Variants in TENM3 observed in about 807,000 individuals in gnomAD.
The protein encoded by TENM3 is teneurin transmembrane protein 3.
TENM3 carries 63 observed loss-of-function variants against 255.1 expected under a neutral mutation model. The ratio of observed to expected loss-of-function variants is 0.25; its 90% CI spans 0.20 to 0.30. TENM3 has a LOEUF of 0.30. Among genes scored for constraint, TENM3 ranks in the 10% least tolerant of loss-of-function variants. TENM3 has a pLI of 1.00. For synonymous variants in TENM3, 1,306 were observed against 1,322.3 expected, an observed-to-expected ratio of 0.99 and a Z score of 0.27; for missense variants, 2,929 against 3,461.1, an observed-to-expected ratio of 0.85 and a Z score of 3.86.
chr4:181,750,870 G>A, the TENM3 span, among the ~76,000 whole-genome samples: 1 of 152,160 alleles, frequency 6.6e-6, no homozygotes, highest in Non-Finnish European at 1.5e-5. Context: ...CGCGACAGGA[G>A]TGATTGAAGA....
chr4:182,109,244 C>G, the TENM3 span, among the ~76,000 whole-genome samples: 46,436 of 147,534 alleles, frequency 0.31, 7,559 homozygotes, highest in Middle Eastern at 0.39. Context: ...TTATGCTTTA[C>G]TCTATATAAC....
intron 3 of TENM3, among the ~76,000 whole-genome samples, chr4:182,392,670 C>T (rs1184010346): frequency 6.9e-6 from 1 of 145,004 alleles, no homozygotes; most frequent in African/African-American, 2.4e-5. Flanking sequence ...AATGCCTCCA[C>T]GTGGGGCGGG....
intron 12 of TENM3, among the ~76,000 whole-genome samples, chr4:182,703,060 A>G (rs1411302342): frequency 2.0e-5 from 3 of 152,164 alleles, no homozygotes; most frequent in African/African-American, 4.8e-5. Flanking sequence ...TAAGCCCTAG[A>G]TAGACTGTCC....
chr4:181,707,015 G>A, the TENM3 span, among the ~76,000 whole-genome samples: 1 of 152,144 alleles, frequency 6.6e-6, no homozygotes, highest in Non-Finnish European at 1.5e-5. Flanking sequence ...TCTTCCACAA[G>A]AGAGAATCTG....
the TENM3 span, among the ~76,000 whole-genome samples, chr4:181,559,533 T>G: frequency 6.6e-6 from 1 of 152,248 alleles, no homozygotes; most frequent in East Asian, 1.9e-4. Flanking sequence ...CTCTGTTTCC[T>G]TATTTGAAAA....
chr4:182,602,634 T>G (rs2152415831), intron 4 of TENM3, among the ~76,000 whole-genome samples: 1 of 152,330 alleles, frequency 6.6e-6, no homozygotes, highest in East Asian at 1.9e-4. Context: ...TTGAACATTC[T>G]TCTGGGAGAA....
At chr4:182,383,098 A>G (rs1767680069) in intron 3 of TENM3, among the ~76,000 whole-genome samples, 1 of 152,170 alleles carries the variant, frequency 6.6e-6, no homozygotes, top group South Asian at 2.1e-4. Context: ...TTATGGAACG[A>G]GTGGGGATTT....
the TENM3 span, among the ~76,000 whole-genome samples, chr4:182,072,446 G>A: frequency 1.3e-5 from 2 of 152,052 alleles, no homozygotes; most frequent in Non-Finnish European, 2.9e-5. Context: ...CCTCCAAAGG[G>A]TAGGCAGTGA....
intron 3 of TENM3, among the ~76,000 whole-genome samples, chr4:182,384,496 G>C (rs979876124): frequency 6.6e-6 from 1 of 152,122 alleles, no homozygotes; most frequent in Non-Finnish European, 1.5e-5. Context: ...TTGTACTAAA[G>C]TAGCCCTTGA....
Position 182,157,789 on chromosome 4 carries a change from G to A in TENM3, c.-76+13035G>A, listed in dbSNP as rs551440809. ...AGAGGTAAGGGCGTTCCAGGAGAGG[G>A]AAACACAATGGACAACTGAGGCATC... On this transcript the variant is annotated intron_variant, in intron 1 of 2. Transcript: ENST00000512480. 3.4e-3 allele frequency among the ~76,000 whole-genome samples: 520 copies of A among 152,280 alleles called. 3 individuals carry two copies. The highest frequency in any genetic ancestry group is 6.8e-3 in the Middle Eastern group (2 of 294).
Position 182,233,925 on chromosome 4 carries a change from T to C in TENM3, c.-76+89171T>C, listed in dbSNP as rs931998361. ...CTGGGATGGTTTTCTCTTGGTTAAG[T>C]CACTCTTTACGCCTTTCGGCTTTTC... On this transcript the variant is annotated intron_variant, in intron 1 of 2. Transcript: ENST00000512480. Among the ~76,000 whole-genome samples, 6 of 152,372 alleles carry C rather than the reference T, an allele frequency of 3.9e-5. No individual in the cohort carries two copies. In the South Asian group the frequency reaches 1.2e-3, roughly 32 times the overall value.
At chr4:181,546,512 G>A in the TENM3 span, among the ~76,000 whole-genome samples, 3 of 150,962 alleles carry the variant, frequency 2.0e-5, no homozygotes, top group South Asian at 2.1e-4. Flanking sequence ...TCAGGAGATC[G>A]AGACCATCCT....
At chr4:182,006,997 T>C in the TENM3 span, among the ~76,000 whole-genome samples, 4 of 152,220 alleles carry the variant, frequency 2.6e-5, no homozygotes, top group African/African-American at 9.6e-5. Context: ...CCAGGAGTCA[T>C]TCAGGAGCAG....
the TENM3 span, among the ~76,000 whole-genome samples, chr4:181,920,676 T>C: frequency 6.6e-6 from 1 of 151,940 alleles, no homozygotes; most frequent in East Asian, 1.9e-4. Context: ...TCTCCCATTT[T>C]GTAGGTTGCC....
the TENM3 span, among the ~76,000 whole-genome samples, chr4:181,469,889 T>A: frequency 6.6e-6 from 1 of 152,090 alleles, no homozygotes; most frequent in African/African-American, 2.4e-5. Flanking sequence ...AGTCATTTTA[T>A]GTACAGATAC....
chr4:181,883,535 T>C, the TENM3 span, among the ~76,000 whole-genome samples: 28 of 152,146 alleles, frequency 1.8e-4, no homozygotes, highest in Non-Finnish European at 1.2e-4. Flanking sequence ...AGTGCTGTGG[T>C]GCGATCTCGG....
intron 6 of TENM3, among the ~76,000 whole-genome samples, chr4:182,667,305 C>A (rs1754783345): frequency 6.6e-6 from 1 of 152,074 alleles, no homozygotes; most frequent in African/African-American, 2.4e-5. Flanking sequence ...ATTCTCCTGC[C>A]TCAGCCTCCC....
At chr4:182,748,406 T>A (rs992280321) in intron 19 of TENM3, among the ~76,000 whole-genome samples, 2 of 152,140 alleles carry the variant, frequency 1.3e-5, no homozygotes, top group Admixed American at 1.3e-4. Flanking sequence ...AGCCTCACGT[T>A]TTCACAGTAG....
chr4:182,765,041 T>TA, intron 22 of TENM3, among the ~76,000 whole-genome samples: 1 of 152,156 alleles, frequency 6.6e-6, no homozygotes, highest in African/African-American at 2.4e-5. Context: ...GACACGGAGA[T>TA]ACGGGGAAGA....
Sources: gnomAD v4.1 joint callset for allele counts (sites outside exome capture counted in the v4.1 genomes callset) on GRCh38, gnomAD v4.1.1 for gene constraint, MANE v1.5 for transcripts, NCBI Gene and HGNC (gene_info 2026-07-23, HGNC 2026-07-21) for gene names.